ENDOV: variants seen among roughly 807,000 people sequenced by gnomAD.
The protein encoded by ENDOV is hEndoV.
In ENDOV, 37 loss-of-function variants were observed where a neutral mutation model predicts 39.4. That is an observed-to-expected ratio of 0.94 (90% CI 0.72 to 1.23). The LOEUF is 1.23. Among genes scored for constraint, ENDOV ranks in the 50% most tolerant of loss-of-function variants. The pLI, the probability that ENDOV is intolerant of heterozygous loss-of-function variation, is 0.00. For missense variants in ENDOV, 441 were observed against 375.7 expected, an observed-to-expected ratio of 1.17 and a Z score of -1.44; for synonymous variants, 186 against 163.4, an observed-to-expected ratio of 1.14 and a Z score of -1.05.
At chr17:80,425,701 C>T in intron 7 of ENDOV, 81 bp downstream of exon 7, 1 of 1,526,612 alleles carries the variant, frequency 6.6e-7, no homozygotes, top group Non-Finnish European at 8.7e-7. Flanking sequence ...CCCAGCAGCT[C>T]AGCTGGGGTC....
rs145675974 is a variant in ENDOV at position 80,436,800 on chromosome 17, G to GT, written c.*665dup. The GT allele has an allele frequency of 0.057, 8,740 of 153,746 alleles. 850 individuals carry two copies. The highest frequency in any genetic ancestry group is 0.2 in the African/African-American group (8,308 of 41,398). 9.5% of individuals were successfully genotyped at this position (153,746 alleles called of 1,614,324 possible). On this transcript the variant is annotated 3_prime_UTR_variant, in exon 10 of 10. Transcript: ENST00000518137. ...TGGGTTAGGAAATGTTCTCTCCTCC[G>GT]TTTTTTTTGGAAGAGAGAGATTGGT...
chr17:80,431,110 A>AG (rs1695941362), intron 9 of ENDOV, among the ~76,000 whole-genome samples: 1 of 152,198 alleles, frequency 6.6e-6, no homozygotes, highest in South Asian at 2.1e-4. Flanking sequence ...CTCTACAAGA[A>AG]GGGGCCGGTG....
chr17:80,415,305 G>A (rs1568197547), intron 1 of ENDOV, 55 bp downstream of exon 1: 4 of 1,591,184 alleles, frequency 2.5e-6, no homozygotes, highest in East Asian at 4.5e-5. Flanking sequence ...GCGGCCCTTC[G>A]CGGACCCTCC....
intron 5 of ENDOV, 129 bp from the exon 6 acceptor site, chr17:80,424,903 T>G: frequency 2.8e-6 from 2 of 724,866 alleles, no homozygotes; most frequent in South Asian, 1.8e-5. Flanking sequence ...TGCAGTGAGC[T>G]GAGATCGCGC....
chr17:80,422,047 G>A, intron 3 of ENDOV, 85 bp downstream of exon 3: 2 of 1,571,068 alleles, frequency 1.3e-6, no homozygotes, highest in Non-Finnish European at 1.7e-6. Context: ...CACCACCACA[G>A]TGGCAGGGAG....
intron 9 of ENDOV, among the ~76,000 whole-genome samples, chr17:80,435,871 C>T (rs1017121300): frequency 6.6e-6 from 1 of 152,088 alleles, no homozygotes; most frequent in Non-Finnish European, 1.5e-5. Flanking sequence ...CTGCCTCAGC[C>T]TCCCAAAGTG....
intron 7 of ENDOV, among the ~76,000 whole-genome samples, chr17:80,427,047 G>A (rs2082778963): frequency 6.6e-6 from 1 of 152,266 alleles, no homozygotes; most frequent in Non-Finnish European, 1.5e-5. Context: ...GGCGCGCAGT[G>A]TGGCCTCCAG....
In ENDOV at chr17:80,422,379, G is replaced by A. The variant is rs1025730216; in HGVS notation, c.403+134G>A. 23 of 1,065,612 alleles carry A rather than the reference G, an allele frequency of 2.2e-5. 1 individual carries two copies. The highest frequency in any genetic ancestry group is 4.9e-5 in the African/African-American group (3 of 60,996). The allele number at this position is 1,065,612 out of a possible 1,614,324, so 66.0% of individuals were successfully genotyped here. A position where few individuals can be genotyped will look rare whatever the true frequency, so the allele number is the denominator to read the frequency against. ...AGCCCCCTCCAATGGCTTCTTTCTC[G>A]GCGCAACGGGGACGCGCAGTGCGCT... On this transcript the variant is annotated intron_variant, in intron 4 of 9. Transcript: ENST00000518137.
chr17:80,422,901 G>A (rs987806094), intron 4 of ENDOV, among the ~76,000 whole-genome samples: 6 of 152,116 alleles, frequency 3.9e-5, no homozygotes, highest in Admixed American at 3.3e-4. Flanking sequence ...GGGGTTTCAC[G>A]TGTTAGCCAG....
At chr17:80,422,354 A>C in intron 4 of ENDOV, 109 bp downstream of exon 4, 1 of 1,346,244 alleles carries the variant, frequency 7.4e-7, no homozygotes, top group Non-Finnish European at 1.0e-6. Flanking sequence ...CTCTGCCGCC[A>C]GCCCCCTCCA....
chr17:80,430,372 C>T (rs2083258299), intron 9 of ENDOV: 1 of 1,498,340 alleles, frequency 6.7e-7, no homozygotes, highest in East Asian at 2.5e-5. Flanking sequence ...TTTTATTTCA[C>T]ATATTTGTTT....
chr17:80,419,892 G>C lies in ENDOV; in HGVS notation c.229-1936G>C, dbSNP rs41298680. ...CACTGGTAGCTTTTGAGGGGCACCAGGTCACTGGCTTATGTTGAGATTGCT... is the reference window on the plus strand; with the variant it reads ...CACTGGTAGCTTTTGAGGGGCACCACGTCACTGGCTTATGTTGAGATTGCT... On this transcript the variant is annotated intron_variant, in intron 2 of 9. Coordinates refer to ENST00000518137, the MANE Select transcript of ENDOV (RefSeq NM_173627.5). 5.1e-3 allele frequency among the ~76,000 whole-genome samples: 771 copies of C among 152,242 alleles called. 7 individuals carry two copies. The highest frequency in any genetic ancestry group is 0.017 in the Middle Eastern group (5 of 294).
chr17:80,423,720 C>T, intron 5 of ENDOV, 88 bp downstream of exon 5: 3 of 1,264,888 alleles, frequency 2.4e-6, no homozygotes, highest in Non-Finnish European at 3.3e-6. Flanking sequence ...CTGGACCAGC[C>T]CTTGCCTGCT....
chr17:80,425,517 C>T lies in ENDOV; in HGVS notation c.611C>T (p.Thr204Ile), dbSNP rs749158497. The T allele has an allele frequency of 1.3e-6, 2 of 1,598,444 alleles. No homozygotes were observed. Among genetic ancestry groups the T allele is most frequent in the South Asian group, 1.1e-5 (1 of 88,714 alleles). Residue 204 changes from threonine (T) to isoleucine (I), a missense_variant, in exon 7 of 10, where the codon ACC becomes ATC. Physicochemically the swap from Thr to Ile is moderately conservative, Grantham distance 89 (BLOSUM62 -1). Transcript: ENST00000518137. ...GMALRSHDRS[T>I]RPLYISVGHR... is the part of the protein sequence containing the mutation. ...GCCCTGAGGAGCCACGACCGCAGCA[C>T]CAGGCCCCTCTACATCTCCGTGGGC...
chr17:80,423,708 T>G, intron 5 of ENDOV, 76 bp downstream of exon 5: 1 of 1,388,536 alleles, frequency 7.2e-7, no homozygotes, highest in Middle Eastern at 2.5e-4. Flanking sequence ...ATGAGGACAC[T>G]TCTGGACCAG....
rs534779054 is a variant in ENDOV at position 80,436,416 on chromosome 17, G to A, written c.*273G>A. On this transcript the variant is annotated 3_prime_UTR_variant, in exon 10 of 10. Coordinates refer to ENST00000518137, the MANE Select transcript of ENDOV (RefSeq NM_173627.5). Reference sequence around the variant, plus strand: ...GTGATGTGAGCTGTTAGATTTTCAAGGATGCTCTTCATCCAGCTGAAGACG... The same window carrying A: ...GTGATGTGAGCTGTTAGATTTTCAAAGATGCTCTTCATCCAGCTGAAGACG... 2.2e-6 allele frequency: 3 copies of A among 1,352,060 alleles called. No individual in the cohort carries two copies. In the African/African-American group the frequency reaches 4.4e-5, roughly 20 times the overall value. 83.8% of individuals were successfully genotyped at this position (1,352,060 alleles called of 1,614,324 possible).
chr17:80,427,554 C>T (rs898833795), intron 7 of ENDOV: 60 of 1,066,408 alleles, frequency 5.6e-5, no homozygotes, highest in Middle Eastern at 2.6e-4. Flanking sequence ...GCAGCCACCC[C>T]GTACCAGGAG....
chr17:80,427,560 AGGAGCCC>A, intron 7 of ENDOV: 1 of 1,066,258 alleles, frequency 9.4e-7, no homozygotes, highest in Non-Finnish European at 1.1e-6. Context: ...ACCCCGTACC[AGGAGCCC>A]GCAGCTTCTT....
chr17:80,422,235 C>T lies in ENDOV; in HGVS notation c.393C>T (p.Leu131=). Residue 131 remains leucine (L), a synonymous_variant, in exon 4 of 10, where the codon CTC becomes CTT. Transcript: ENST00000518137. ...TTCTTGTGGATGGAAACGGGGTACT[C>T]CACCACCGAGGTAATCCTGCTCTTG... The part of the protein sequence containing the change: ...QVLLVDGNGV[L]HHRGFGVACH... 1 of 1,613,740 alleles carries T rather than the reference C, an allele frequency of 6.2e-7. No homozygotes were observed. The highest frequency in any genetic ancestry group is 8.5e-7 in the Non-Finnish European group (1 of 1,179,818).
Sources: gnomAD v4.1 joint callset for allele counts (sites outside exome capture counted in the v4.1 genomes callset) on GRCh38, gnomAD v4.1.1 for gene constraint, MANE v1.5 for transcripts, NCBI Gene and HGNC (gene_info 2026-07-23, HGNC 2026-07-21) for gene names.